Variants in LINS1 observed in about 807,000 individuals in gnomAD.
LINS1 encodes the protein protein Lines homolog 1.
A neutral mutation model predicts 41.6 loss-of-function variants in LINS1; 27 were observed. The observed-to-expected ratio is 0.65, with a 90% CI of 0.48 to 0.89. LINS1 has a LOEUF of 0.89. LINS1 is among the 40% of genes least tolerant of loss of function. The pLI is 0.00. For synonymous variants in LINS1, 336 were observed against 312.9 expected (o/e 1.07, Z -0.78); for missense variants, 955 against 884.1 (o/e 1.08, Z -1.02).
chr15:100,580,989 T>C, intron 1 of LINS1, 44 bp from the exon 2 acceptor site: 2 of 679,306 alleles, frequency 2.9e-6, no homozygotes, highest in East Asian at 2.8e-5. Context: ...TGCTATATGC[T>C]TATTACAAGA....
chr15:100,590,271 G>A (rs1192513681), intron 1 of LINS1, among the ~76,000 whole-genome samples: 2 of 152,152 alleles, frequency 1.3e-5, no homozygotes, highest in East Asian at 3.9e-4. Flanking sequence ...GCACTTATGG[G>A]GTACACTTTT....
intron 1 of LINS1, among the ~76,000 whole-genome samples, chr15:100,593,022 A>G (rs2039105354): frequency 6.6e-6 from 1 of 152,242 alleles, no homozygotes. Flanking sequence ...TTAACTGACC[A>G]CAATTTTTTC....
At chr15:100,594,433 C>T (rs2039162222) in intron 1 of LINS1, among the ~76,000 whole-genome samples, 2 of 151,972 alleles carry the variant, frequency 1.3e-5, no homozygotes, top group African/African-American at 2.4e-5. Context: ...CTGTCAGTGA[C>T]ACGGTTTTCT....
intron 6 of LINS1, 105 bp downstream of exon 6, chr15:100,571,789 T>C (rs2037839663): frequency 1.5e-6 from 2 of 1,326,146 alleles, no homozygotes; most frequent in South Asian, 1.2e-5. Flanking sequence ...CAGGATGTTT[T>C]CCCCCAAATG....
chr15:100,600,239 G>A (rs368135647), intron 1 of LINS1, among the ~76,000 whole-genome samples: 1 of 152,146 alleles, frequency 6.6e-6, no homozygotes, highest in South Asian at 2.1e-4. Flanking sequence ...AGACAGATTG[G>A]TCATTTCAAA....
chr15:100,585,693 T>C (rs1449334540), intron 1 of LINS1, among the ~76,000 whole-genome samples: 2 of 152,210 alleles, frequency 1.3e-5, no homozygotes, highest in Non-Finnish European at 2.9e-5. Flanking sequence ...TCTAGACGTG[T>C]TTATTTGTAT....
rs998260786 is a variant in LINS1 at position 100,569,197 on chromosome 15, A to T, written c.*41T>A. The T allele has an allele frequency of 2.2e-6, 3 of 1,378,022 alleles. No individual in the cohort carries two copies. In the South Asian group the frequency reaches 3.6e-5, roughly 16 times the overall value. 85.4% of individuals were successfully genotyped at this position (1,378,022 alleles called of 1,614,324 possible). A position where few individuals can be genotyped will look rare whatever the true frequency, so the allele number is the denominator to read the frequency against. On this transcript the variant is annotated 3_prime_UTR_variant, in exon 7 of 7. Coordinates refer to ENST00000314742, the MANE Select transcript of LINS1 (RefSeq NM_001040616.3). ...ATTACCTCATTGAGACATAATTTAT[A>T]TTAAGGAAAAACAATACCTGGAAAA... is the stretch of plus-strand genomic sequence containing the variant.
At chr15:100,594,761 T>C (rs1400610186) in intron 1 of LINS1, among the ~76,000 whole-genome samples, 2 of 152,218 alleles carry the variant, frequency 1.3e-5, no homozygotes, top group African/African-American at 2.4e-5. Context: ...TGGTTCCCCC[T>C]GGCAGCCAGC....
chr15:100,574,934 C>A, intron 4 of LINS1, 53 bp downstream of exon 4: 2 of 1,567,170 alleles, frequency 1.3e-6, no homozygotes, highest in Non-Finnish European at 1.8e-6. Context: ...ATTATAAATG[C>A]AACGCTCCCA....
rs372007122 is a variant in LINS1, at chr15:100,575,448, G to A, written c.490-320C>T. ...AAGAAGACCATTACATAATGGTACA[G>A]GGATCAATTCAACAAGAAGAGCTAA... On this transcript the variant is annotated intron_variant, in intron 3 of 6. Transcript: ENST00000314742. Among the ~76,000 whole-genome samples the A allele has an allele frequency of 3.9e-4, 60 of 152,268 alleles. 1 individual carries two copies. The South Asian group carries it at 0.011, about 28-fold the overall frequency.
At chr15:100,587,306 G>A (rs756915917) in intron 1 of LINS1, among the ~76,000 whole-genome samples, 2 of 151,950 alleles carry the variant, frequency 1.3e-5, no homozygotes, top group Non-Finnish European at 1.5e-5. Context: ...GGATAGTGCC[G>A]GCACTGAAGT....
chr15:100,571,923 T>C lies in LINS1; in HGVS notation c.1365A>G (p.Ala455=), dbSNP rs768478584. 1.9e-6 allele frequency: 3 copies of C among 1,614,106 alleles called. No homozygotes were observed. The highest frequency in any genetic ancestry group is 2.7e-5 in the African/African-American group (2 of 74,934). The change falls in exon 6 of 7, where the codon GCA becomes GCG. Residue 455 remains alanine, a synonymous_variant. Coordinates refer to ENST00000314742, the MANE Select transcript of LINS1 (RefSeq NM_001040616.3). ...TCAGTGTTAAGTAGATGCCCAGTGA[T>C]GCCTTGGCAGCCTCCAGCATGTCAT... The part of the protein sequence containing the change: ...QDDDMLEAAK[A]SLGIYLTLTR...
rs541507780 is a variant in LINS1 at position 100,576,799 on chromosome 15, C to T, written c.490-1671G>A. On this transcript the variant is annotated intron_variant, in intron 3 of 6. Coordinates refer to ENST00000314742, the MANE Select transcript of LINS1 (RefSeq NM_001040616.3). ...AGTAAAATACTGGCAAAACCAAATCCGGCAGCACATCAAAAAGCTTATCCA... is the reference window on the plus strand; with the variant it reads ...AGTAAAATACTGGCAAAACCAAATCTGGCAGCACATCAAAAAGCTTATCCA... The T allele has an allele frequency of 2.0e-5, 3 of 152,286 alleles. No individual in the cohort carries two copies. The South Asian group carries it at 6.2e-4, about 32-fold the overall frequency. 9.4% of individuals were successfully genotyped at this position (152,286 alleles called of 1,614,324 possible). A position where few individuals can be genotyped will look rare whatever the true frequency, so the allele number is the denominator to read the frequency against.
In LINS1 at chr15:100,567,447, T is replaced by C. The variant is rs2037599340; in HGVS notation, c.*1791A>G. The C allele has an allele frequency of 6.6e-6, 1 of 152,256 alleles. No individual in the cohort carries two copies. Among genetic ancestry groups the C allele is most frequent in the Admixed American group, 6.5e-5 (1 of 15,292 alleles). The allele number at this position is 152,256 out of a possible 1,614,324, so 9.4% of individuals were successfully genotyped here. ...TATGACTTTCTTATGTAGTCTTACA[T>C]ACATATTTTATACATGCACAAAAGC... On this transcript the variant is annotated 3_prime_UTR_variant, in exon 7 of 7. Coordinates refer to ENST00000314742, the MANE Select transcript of LINS1 (RefSeq NM_001040616.3).
rs1304461863 is a variant in LINS1 at position 100,574,077 on chromosome 15, G to C, written c.796C>G (p.Leu266Val). Reference protein sequence around the residue: ...LELLIASRIHLKLHFTCQRIL... With the variant: ...LELLIASRIHVKLHFTCQRIL... ...CTCTGGCAAGTGAAATGTAACTTCA[G>C]GTGGATTCTGGAGGCGATGAGAAGC... The change falls in exon 5 of 7, where the codon CTG becomes GTG. Residue 266 changes from leucine to valine, a missense_variant. Coordinates refer to ENST00000314742, the MANE Select transcript of LINS1 (RefSeq NM_001040616.3). 5.0e-6 allele frequency: 8 copies of C among 1,614,060 alleles called. No homozygotes were observed. The highest frequency in any genetic ancestry group is 4.0e-5 in the African/African-American group (3 of 74,932).
intron 6 of LINS1, among the ~76,000 whole-genome samples, chr15:100,571,020 G>A (rs1414757917): frequency 1.3e-5 from 2 of 152,144 alleles, no homozygotes; most frequent in African/African-American, 4.8e-5. Context: ...TTACAGGCGT[G>A]TGCATTTTCA....
At chr15:100,581,874 T>A (rs949935547) in intron 1 of LINS1, among the ~76,000 whole-genome samples, 3 of 152,230 alleles carry the variant, frequency 2.0e-5, no homozygotes, top group African/African-American at 7.2e-5. Flanking sequence ...TAGTTCATGG[T>A]TTTCTTACTG....
intron 1 of LINS1, among the ~76,000 whole-genome samples, chr15:100,600,269 G>C (rs559640966): frequency 6.6e-6 from 1 of 152,238 alleles, no homozygotes; most frequent in South Asian, 2.1e-4. Context: ...TCCTCACAGA[G>C]ACCAAATGGA....
In LINS1 at chr15:100,569,426, C is replaced by T; in HGVS notation, c.2086G>A (p.Glu696Lys). Reference protein sequence around the residue: ...EFDTAFSFDCEVAPNDVVSEV... With the variant: ...EFDTAFSFDCKVAPNDVVSEV... Reference sequence around the variant, plus strand: ...GAGACGACATCATTTGGGGCTACTTCACAATCAAAGGAGAAGGCAGTATCA... The same window carrying T: ...GAGACGACATCATTTGGGGCTACTTTACAATCAAAGGAGAAGGCAGTATCA... Residue 696 changes from glutamate to lysine, a missense_variant, in exon 7 of 7, where the codon GAA becomes AAA. Coordinates refer to ENST00000314742, the MANE Select transcript of LINS1 (RefSeq NM_001040616.3). 1 of 1,614,146 alleles carries T rather than the reference C, an allele frequency of 6.2e-7. No homozygotes were observed. Among genetic ancestry groups the T allele is most frequent in the Non-Finnish European group, 8.5e-7 (1 of 1,180,006 alleles).
Sources: allele counts gnomAD v4.1 joint callset (sites outside exome capture counted in the v4.1 genomes callset), GRCh38; gene constraint gnomAD v4.1.1; transcripts MANE v1.5; gene names NCBI Gene and HGNC (gene_info 2026-07-23, HGNC 2026-07-21).